The following SIPA1L2 variants were observed in gnomAD, a reference collection of about 807,000 sequenced individuals.
SIPA1L2 encodes signal induced proliferation associated 1 like 2.
Under a neutral mutation model 163.9 loss-of-function variants are expected in SIPA1L2, and 56 were observed. The observed-to-expected ratio is 0.34, with a 90% CI of 0.28 to 0.43. The LOEUF is 0.43. Ranked by LOEUF, SIPA1L2 falls within the 20% of genes least tolerant of loss-of-function variation. SIPA1L2 has a pLI of 1.00. For synonymous variants in SIPA1L2, 877 were observed against 865.7 expected (o/e 1.01, Z -0.23); for missense variants, 1,974 against 2,193.5 (o/e 0.90, Z 2.00).
chr1:232,581,387 T>C (rs1445081002), intron 1 of SIPA1L2, among the ~76,000 whole-genome samples: 1 of 152,118 alleles, frequency 6.6e-6, no homozygotes. Context: ...CGCTGGCCAC[T>C]GTCTCATAGA....
intron 2 of SIPA1L2, among the ~76,000 whole-genome samples, chr1:232,529,117 T>G (rs964234845): frequency 6.6e-6 from 1 of 152,230 alleles, no homozygotes; most frequent in African/African-American, 2.4e-5. Flanking sequence ...ATACTTTTTA[T>G]TTGAATGTTG....
chr1:232,607,585 T>C (rs1661993729), intron 1 of SIPA1L2, among the ~76,000 whole-genome samples: 1 of 152,182 alleles, frequency 6.6e-6, no homozygotes, highest in Non-Finnish European at 1.5e-5. Flanking sequence ...AGGAACGCCA[T>C]GCTTGGAGCA....
chr1:232,423,355 A>ATT, intron 18 of SIPA1L2, among the ~76,000 whole-genome samples: 1 of 152,240 alleles, frequency 6.6e-6, no homozygotes, highest in Non-Finnish European at 1.5e-5. Flanking sequence ...TGGTAGTCAG[A>ATT]AGGCCAGGGA....
intron 2 of SIPA1L2, among the ~76,000 whole-genome samples, chr1:232,526,133 G>A (rs1427447415): frequency 1.3e-5 from 2 of 152,196 alleles, no homozygotes; most frequent in Non-Finnish European, 2.9e-5. Context: ...TCTGAGAAGT[G>A]CCTAAGACTC....
intron 7 of SIPA1L2, among the ~76,000 whole-genome samples, chr1:232,474,408 A>G (rs1247407208): frequency 6.6e-5 from 10 of 152,220 alleles, no homozygotes; most frequent in African/African-American, 2.4e-4. Context: ...CCATGGCAAA[A>G]GCATATAGAT....
At chr1:232,470,973 A>G (rs1017240483) in intron 8 of SIPA1L2, among the ~76,000 whole-genome samples, 1 of 152,186 alleles carries the variant, frequency 6.6e-6, no homozygotes, top group Non-Finnish European at 1.5e-5. Context: ...AAGTCACCCA[A>G]CAAGTGTTAA....
intron 1 of SIPA1L2, among the ~76,000 whole-genome samples, chr1:232,616,080 C>G (rs942818839): frequency 6.6e-6 from 1 of 152,226 alleles, no homozygotes; most frequent in African/African-American, 2.4e-5. Flanking sequence ...GACTGACATA[C>G]AGGCCCCATA....
At chr1:232,464,023 T>A (rs1451528117) in intron 9 of SIPA1L2, among the ~76,000 whole-genome samples, 1 of 152,158 alleles carries the variant, frequency 6.6e-6, no homozygotes, top group Non-Finnish European at 1.5e-5. Context: ...TCATGATCCA[T>A]AGTGAACTAA....
At chr1:232,613,248 T>A (rs1662342806) in intron 1 of SIPA1L2, among the ~76,000 whole-genome samples, 1 of 152,208 alleles carries the variant, frequency 6.6e-6, no homozygotes. Context: ...ATTCGTCACC[T>A]CTTCATTTTG....
In SIPA1L2 at chr1:232,399,009, A is replaced by G. The variant is rs1660174129; in HGVS notation, c.*118T>C. The stretch of plus-strand genomic sequence containing the variant: ...CCTGCTGTGGTGAATGGTGCTACAC[A>G]GAATGGAACAGCAAAAACATCTACG... On this transcript the variant is annotated 3_prime_UTR_variant, in exon 23 of 23. Coordinates refer to ENST00000674635, the MANE Select transcript of SIPA1L2 (RefSeq NM_020808.5). 1.4e-5 allele frequency: 20 copies of G among 1,412,916 alleles called. No homozygotes were observed. In the South Asian group the frequency reaches 2.7e-4, roughly 19 times the overall value. 87.5% of individuals were successfully genotyped at this position (1,412,916 alleles called of 1,614,324 possible).
At chr1:232,523,630 T>C (rs1667553662) in intron 2 of SIPA1L2, among the ~76,000 whole-genome samples, 1 of 152,102 alleles carries the variant, frequency 6.6e-6, no homozygotes, top group African/African-American at 2.4e-5. Flanking sequence ...GAAGAGAACA[T>C]GAGCATTTTA....
At chr1:232,597,681 C>T (rs1452730804) in intron 1 of SIPA1L2, among the ~76,000 whole-genome samples, 1 of 102,126 alleles carries the variant, frequency 9.8e-6, no homozygotes, top group Non-Finnish European at 1.8e-5. Flanking sequence ...CAGAGCGAAA[C>T]TCTGTCTCAA....
At chr1:232,457,613 G>A (rs1663998900) in intron 10 of SIPA1L2, among the ~76,000 whole-genome samples, 1 of 152,164 alleles carries the variant, frequency 6.6e-6, no homozygotes, top group Non-Finnish European at 1.5e-5. Flanking sequence ...TTTAGCTTGA[G>A]GCACATCCTG....
At chr1:232,601,152 CCTGGGACA>C in intron 1 of SIPA1L2, among the ~76,000 whole-genome samples, 1 of 152,148 alleles carries the variant, frequency 6.6e-6, no homozygotes, top group Middle Eastern at 3.2e-3. Flanking sequence ...CAGGCTGGGC[CCTGGGACA>C]CAGGCAAGAT....
intron 2 of SIPA1L2, among the ~76,000 whole-genome samples, chr1:232,572,196 C>T (rs1298357182): frequency 6.6e-6 from 1 of 152,132 alleles, no homozygotes; most frequent in South Asian, 2.1e-4. Flanking sequence ...CAGCTGTGTC[C>T]GGGCAGCATG....
chr1:232,441,256 T>A (rs750176605), intron 14 of SIPA1L2, 35 bp downstream of exon 14: 2 of 1,524,818 alleles, frequency 1.3e-6, no homozygotes, highest in African/African-American at 1.4e-5. Context: ...CAGTCCTGGC[T>A]AGGCCAGTGA....
At chr1:232,414,712 C>A (rs1205027874) in intron 19 of SIPA1L2, among the ~76,000 whole-genome samples, 1 of 152,178 alleles carries the variant, frequency 6.6e-6, no homozygotes, top group Non-Finnish European at 1.5e-5. Flanking sequence ...AGTGCCAGAG[C>A]CTGCCATCGT....
chr1:232,480,567 C>A (rs979282798), intron 6 of SIPA1L2, among the ~76,000 whole-genome samples: 1 of 152,144 alleles, frequency 6.6e-6, no homozygotes, highest in African/African-American at 2.4e-5. Context: ...TTGAAACTAA[C>A]CTGCTGACTA....
rs538056163 is a variant in SIPA1L2 at position 232,572,720 on chromosome 1, C to T, written c.-270+1454G>A. Among the ~76,000 whole-genome samples, 22 of 109,252 alleles carry T rather than the reference C, an allele frequency of 2.0e-4. 1 individual carries two copies. Among genetic ancestry groups the T allele is most frequent in the African/African-American group, 7.7e-4 (22 of 28,456 alleles). The allele number at this position is 109,252 out of a possible 152,430, so 71.7% of individuals were successfully genotyped here. On this transcript the variant is annotated intron_variant, in intron 2 of 22. Transcript: ENST00000674635. ...ATATATATATATATATATATATACA[C>T]ACATATATACATACATACATATATA...
Sources: allele counts gnomAD v4.1 joint callset (sites outside exome capture counted in the v4.1 genomes callset), GRCh38; gene constraint gnomAD v4.1.1; transcripts MANE v1.5; gene names NCBI Gene and HGNC (gene_info 2026-07-23, HGNC 2026-07-21).